The following PLA1A variants were observed in gnomAD, a reference collection of about 807,000 sequenced individuals.
PLA1A encodes phospholipase A1 member A.
PLA1A carries 47 observed loss-of-function variants against 49.4 expected under a neutral mutation model. The observed-to-expected ratio is 0.95, with a 90% CI of 0.75 to 1.21. The LOEUF is 1.21. Ranked by LOEUF, PLA1A falls within the 50% of genes most tolerant of loss-of-function variation. PLA1A has a pLI of 0.00. For synonymous variants in PLA1A, 224 were observed against 207.9 expected (o/e 1.08, Z -0.67); for missense variants, 561 against 563.9 (o/e 0.99, Z 0.05).
Position 119,628,716 on chromosome 3 carries a change from C to G in PLA1A, c.1137C>G (p.Arg379=), listed in dbSNP as rs2052580310. 6.2e-7 allele frequency: 1 copy of G among 1,614,142 alleles called. No individual in the cohort carries two copies. Among genetic ancestry groups the G allele is most frequent in the Non-Finnish European group, 8.5e-7 (1 of 1,179,976 alleles). The change falls in exon 10 of 11, where the codon CGC becomes CGG. Residue 379 remains arginine, a synonymous_variant. Transcript: ENST00000273371. ...TTTCTTGCAGACCTAAGCAGCAACGCTATGGGAAAGGAATCATAGCCCATG... is the reference window on the plus strand; with the variant it reads ...TTTCTTGCAGACCTAAGCAGCAACGGTATGGGAAAGGAATCATAGCCCATG... ...SSKITIPKQQ[R]YGKGIIAHAT...
chr3:119,615,228 G>A (rs911256697), intron 5 of PLA1A, among the ~76,000 whole-genome samples: 1 of 152,214 alleles, frequency 6.6e-6, no homozygotes, highest in Non-Finnish European at 1.5e-5. Flanking sequence ...GTCTGCCACA[G>A]CAGAGGGTCC....
At chr3:119,604,030 C>T (rs2082651336) in intron 1 of PLA1A, among the ~76,000 whole-genome samples, 1 of 152,218 alleles carries the variant, frequency 6.6e-6, no homozygotes, top group Admixed American at 6.5e-5. Context: ...CCACTCTTTG[C>T]AAGTTTTGAT....
At position 119,618,201 on chromosome 3, in the gene PLA1A, C is replaced by T. The variant is rs567965587; in HGVS notation, c.922+15C>T. ...CCCAAGGATAGGTAAAGTGCTACCC[C>T]TTTGACTTCCTTTGACAATGTGGGG... On this transcript the variant is annotated intron_variant, in intron 7 of 10. Transcript: ENST00000273371. The T allele has an allele frequency of 2.5e-6, 4 of 1,589,508 alleles. No homozygotes were observed. The African/African-American group carries it at 5.4e-5, about 21-fold the overall frequency.
At chr3:119,609,029 G>T in intron 3 of PLA1A, 82 bp downstream of exon 3, 1 of 1,187,054 alleles carries the variant, frequency 8.4e-7, no homozygotes, top group Non-Finnish European at 1.2e-6. Flanking sequence ...GCCTGAGGAG[G>T]CTTAGGGTGG....
rs142230294 is a variant in PLA1A, at chr3:119,624,854, C to T, written c.1013-270C>T. Among the ~76,000 whole-genome samples the T allele has an allele frequency of 6.2e-3, 950 of 152,342 alleles. 13 individuals carry two copies. The highest frequency in any genetic ancestry group is 0.021 in the African/African-American group (883 of 41,566). ...CCATGTTGGTCAGACTGGTCTCAAA[C>T]TCCTGACCTCAGGTGATCCACTCGC... On this transcript the variant is annotated intron_variant, in intron 8 of 10. Coordinates refer to ENST00000273371, the MANE Select transcript of PLA1A (RefSeq NM_015900.4).
chr3:119,606,544 A>G (rs1003635297), intron 1 of PLA1A, among the ~76,000 whole-genome samples: 2 of 152,196 alleles, frequency 1.3e-5, no homozygotes, highest in Non-Finnish European at 2.9e-5. Flanking sequence ...CTAGTTGAGC[A>G]ATATTCCTTC....
chr3:119,597,978 G>A lies in PLA1A; in HGVS notation c.65G>A (p.Gly22Glu), dbSNP rs2082564040. 1 of 1,605,040 alleles carries A rather than the reference G, an allele frequency of 6.2e-7. No individual in the cohort carries two copies. Among genetic ancestry groups the A allele is most frequent in the Admixed American group, 1.7e-5 (1 of 59,490 alleles). Residue 22 changes from glycine to glutamate, a missense_variant, in exon 1 of 11, where the codon GGA becomes GAA. Coordinates refer to ENST00000273371, the MANE Select transcript of PLA1A (RefSeq NM_015900.4). Reference sequence around the variant, plus strand: ...GGCCTCATTTTGTGGCTCAGCGTTGGAAGTTCAGGTAAGCCAGGGCTCAGG... The same window carrying A: ...GGCCTCATTTTGTGGCTCAGCGTTGAAAGTTCAGGTAAGCCAGGGCTCAGG... ...VGGLILWLSV[G>E]SSGDAPPTPQ...
At position 119,626,309 on chromosome 3, in the gene PLA1A, A is replaced by G. The variant is rs112658982; in HGVS notation, c.1121+1077A>G. On this transcript the variant is annotated intron_variant, in intron 9 of 10. Coordinates refer to ENST00000273371, the MANE Select transcript of PLA1A (RefSeq NM_015900.4). Reference sequence around the variant, plus strand: ...GGAACCTGTTGGTGGGGGAACCTGCAGGGGAATAGATCAGTCCAGAGCAAA... The same window carrying G: ...GGAACCTGTTGGTGGGGGAACCTGCGGGGGAATAGATCAGTCCAGAGCAAA... Among the ~76,000 whole-genome samples, 872 of 152,328 alleles carry G rather than the reference A, an allele frequency of 5.7e-3. 8 individuals are homozygous for G. Among genetic ancestry groups the G allele is most frequent in the African/African-American group, 0.02 (830 of 41,578 alleles).
chr3:119,617,512 G>A (rs1425495319), intron 6 of PLA1A, among the ~76,000 whole-genome samples: 1 of 152,054 alleles, frequency 6.6e-6, no homozygotes. Flanking sequence ...GGAGGTTGAG[G>A]CAGGTGGATC....
At chr3:119,624,442 T>G (rs2107800115) in intron 8 of PLA1A, among the ~76,000 whole-genome samples, 1 of 152,260 alleles carries the variant, frequency 6.6e-6, no homozygotes, top group South Asian at 2.1e-4. Flanking sequence ...AAACAAAAGA[T>G]AGCCGTATAT....
rs1373821063 is a variant in PLA1A at position 119,628,744 on chromosome 3, A to G, written c.1165A>G (p.Thr389Ala). Residue 389 changes from threonine (T) to alanine (A), a missense_variant, in exon 10 of 11, where the codon ACC becomes GCC. Transcript: ENST00000273371. ...RYGKGIIAHA[T>A]PQCQINQVKF... ...TGGGAAAGGAATCATAGCCCATGCC[A>G]CCCCACAATGCCAGATAAACCAAGT... 6.2e-7 allele frequency: 1 copy of G among 1,613,908 alleles called. No homozygotes were observed. The highest frequency in any genetic ancestry group is 2.2e-5 in the East Asian group (1 of 44,890).
Position 119,616,053 on chromosome 3 carries a change from G to A in PLA1A, c.706G>A (p.Val236Ile), listed in dbSNP as rs367924819. The change falls in exon 6 of 11, where the codon GTC becomes ATC. Residue 236 changes from valine to isoleucine, a missense_variant. Physicochemically the swap from Val to Ile is conservative, Grantham distance 29 (BLOSUM62 3). Transcript: ENST00000273371. ...RIPVGHVDYF[V>I]NGGQDQPGCP... is the part of the protein sequence containing the mutation. ...TCCCGTTGGACATGTGGACTACTTC[G>A]TCAACGGAGGCCAAGACCAACCTGG... 157 of 1,613,396 alleles carry A rather than the reference G, an allele frequency of 9.7e-5. No individual in the cohort carries two copies. The highest frequency in any genetic ancestry group is 1.6e-4 in the Middle Eastern group (1 of 6,080).
chr3:119,611,926 G>C (rs976549476), intron 4 of PLA1A, among the ~76,000 whole-genome samples: 1 of 152,182 alleles, frequency 6.6e-6, no homozygotes, highest in South Asian at 2.1e-4. Context: ...TAAAATGGTT[G>C]TAACAGCCCA....
At chr3:119,621,297 C>T (rs1967052) in intron 8 of PLA1A, among the ~76,000 whole-genome samples, 74,806 of 152,120 alleles carry the variant, frequency 0.49, 19,103 homozygotes, top group East Asian at 0.89. Flanking sequence ...TATTGTGAGA[C>T]CACCTCCCCA....
rs568285140 is a variant in PLA1A at position 119,600,136 on chromosome 3, A to C, written c.73+2150A>C. The C allele has an allele frequency of 2.5e-5, 12 of 485,456 alleles. 1 individual carries two copies. The East Asian group carries it at 3.4e-4, about 14-fold the overall frequency. The allele number at this position is 485,456 out of a possible 1,614,324, so 30.1% of individuals were successfully genotyped here. A position where few individuals can be genotyped will look rare whatever the true frequency, so the allele number is the denominator to read the frequency against. ...GAAAGGAAGAGCTCAAATGATCGGGAGGGAGGAGGTTCAGGAGGTATCCAG... is the reference window on the plus strand; with the variant it reads ...GAAAGGAAGAGCTCAAATGATCGGGCGGGAGGAGGTTCAGGAGGTATCCAG... On this transcript the variant is annotated intron_variant, in intron 1 of 10. Transcript: ENST00000273371.
intron 9 of PLA1A, among the ~76,000 whole-genome samples, chr3:119,626,423 G>A (rs2052538969): frequency 6.6e-6 from 1 of 152,200 alleles, no homozygotes; most frequent in African/African-American, 2.4e-5. Context: ...CTGAGTCCAA[G>A]GAAATGATGA....
rs28777378 is a variant in PLA1A, at chr3:119,626,495, T to C, written c.1121+1263T>C. On this transcript the variant is annotated intron_variant, in intron 9 of 10. Transcript: ENST00000273371. ...GAGAATGTGACACCTCTGGTGTGTCTGGAGCACAGATTTGGGGTTGTGGGG... is the reference window on the plus strand; with the variant it reads ...GAGAATGTGACACCTCTGGTGTGTCCGGAGCACAGATTTGGGGTTGTGGGG... 4.4e-3 allele frequency among the ~76,000 whole-genome samples: 675 copies of C among 152,244 alleles called. 7 individuals are homozygous for C. The highest frequency in any genetic ancestry group is 0.015 in the African/African-American group (639 of 41,536).
chr3:119,615,913 G>T (rs981414888), intron 5 of PLA1A, 99 bp from the exon 6 acceptor site: 4 of 719,000 alleles, frequency 5.6e-6, no homozygotes, highest in Non-Finnish European at 1.0e-5. Context: ...TAGAAGTGAC[G>T]TGGCAGAGAG....
intron 8 of PLA1A, chr3:119,620,278 G>A: frequency 2.5e-6 from 1 of 401,408 alleles, no homozygotes; most frequent in Non-Finnish European, 5.0e-6. Context: ...TGGTTATCCT[G>A]GGGTCCTGTT....
Sources: gnomAD v4.1 joint callset for allele counts (sites outside exome capture counted in the v4.1 genomes callset) on GRCh38, gnomAD v4.1.1 for gene constraint, MANE v1.5 for transcripts, NCBI Gene and HGNC (gene_info 2026-07-23, HGNC 2026-07-21) for gene names.